Variants in POFUT3 observed in about 807,000 individuals in gnomAD.
The protein encoded by POFUT3 is GDP-fucose protein O-fucosyltransferase 3.
At chr8:33,349,622 T>C in the POFUT3 span, among the ~76,000 whole-genome samples, 132 of 152,332 alleles carry the variant, frequency 8.7e-4, no homozygotes, top group Admixed American at 2.6e-3. Context: ...TTGGTTCCTT[T>C]TTATGGCTGA....
the POFUT3 span, among the ~76,000 whole-genome samples, chr8:33,444,663 C>A: frequency 2.6e-5 from 4 of 151,952 alleles, no homozygotes; most frequent in Non-Finnish European, 5.9e-5. Flanking sequence ...ACTAAAAATA[C>A]AAAAATTAGC....
the POFUT3 span, among the ~76,000 whole-genome samples, chr8:33,421,794 T>C: frequency 1.5e-4 from 23 of 152,312 alleles, no homozygotes; most frequent in South Asian, 3.3e-3. Flanking sequence ...AGAGTGATCA[T>C]TGTCATCATT....
chr8:33,339,050 T>G, the POFUT3 span: 8 of 151,744 alleles, frequency 5.3e-5, no homozygotes, highest in Non-Finnish European at 7.4e-5. Flanking sequence ...TATCTCAAAC[T>G]AAATGAAAAA....
At chr8:33,343,557 T>C in the POFUT3 span, among the ~76,000 whole-genome samples, 17 of 152,218 alleles carry the variant, frequency 1.1e-4, no homozygotes, top group Non-Finnish European at 1.9e-4. Flanking sequence ...CCCTTTATTA[T>C]ACTGATGAGG....
the POFUT3 span, among the ~76,000 whole-genome samples, chr8:33,312,429 G>A: frequency 6.6e-6 from 1 of 152,044 alleles, no homozygotes; most frequent in Non-Finnish European, 1.5e-5. Flanking sequence ...AGCAAGAAAG[G>A]ATTCTTCCCT....
At chr8:33,429,979 G>C in the POFUT3 span, among the ~76,000 whole-genome samples, 8 of 138,028 alleles carry the variant, frequency 5.8e-5, no homozygotes, top group Middle Eastern at 3.4e-3. Context: ...CTGGATGACA[G>C]AGTGAGACTC....
chr8:33,317,189 G>T, the POFUT3 span, among the ~76,000 whole-genome samples: 4 of 152,090 alleles, frequency 2.6e-5, no homozygotes, highest in Non-Finnish European at 5.9e-5. Context: ...CAAAATACTT[G>T]GTTCCCCATA....
chr8:33,443,447 A>T, the POFUT3 span, among the ~76,000 whole-genome samples: 1 of 152,150 alleles, frequency 6.6e-6, no homozygotes, highest in Non-Finnish European at 1.5e-5. Context: ...TACTTCAAAA[A>T]TATCTAAATA....
chr8:33,420,953 A>C, the POFUT3 span, among the ~76,000 whole-genome samples: 3 of 151,974 alleles, frequency 2.0e-5, no homozygotes, highest in South Asian at 2.1e-4. Flanking sequence ...AATTTAAAAA[A>C]AGAAAAAATA....
chr8:33,389,327 G>A, the POFUT3 span: 1 of 1,614,110 alleles, frequency 6.2e-7, no homozygotes, highest in Non-Finnish European at 8.5e-7. Flanking sequence ...ATCACAAACT[G>A]CATTCTCAAA....
the POFUT3 span, among the ~76,000 whole-genome samples, chr8:33,406,551 C>T: frequency 2.0e-5 from 3 of 152,054 alleles, no homozygotes; most frequent in Non-Finnish European, 2.9e-5. Flanking sequence ...ATCCTCCTGC[C>T]TCAGCCTCCA....
At chr8:33,349,861 T>G in the POFUT3 span, among the ~76,000 whole-genome samples, 1 of 152,222 alleles carries the variant, frequency 6.6e-6, no homozygotes, top group Non-Finnish European at 1.5e-5. Context: ...ATCTCCGTGC[T>G]GTTTTCCATA....
At chr8:33,317,204 C>T in the POFUT3 span, among the ~76,000 whole-genome samples, 1 of 152,116 alleles carries the variant, frequency 6.6e-6, no homozygotes, top group South Asian at 2.1e-4. Context: ...CCCATAAAAA[C>T]TAAAGATAAC....
chr8:33,387,850 C>T, the POFUT3 span, among the ~76,000 whole-genome samples: 1 of 152,110 alleles, frequency 6.6e-6, no homozygotes, highest in Non-Finnish European at 1.5e-5. Flanking sequence ...CCTTACACAT[C>T]TATGAGAGTC....
At chr8:33,402,518 GT>G in the POFUT3 span, among the ~76,000 whole-genome samples, 1 of 152,168 alleles carries the variant, frequency 6.6e-6, no homozygotes, top group Non-Finnish European at 1.5e-5. Flanking sequence ...AGTTAACCAT[GT>G]CTAGGATACC....
chr8:33,345,036 G>A, the POFUT3 span, among the ~76,000 whole-genome samples: 2 of 152,178 alleles, frequency 1.3e-5, no homozygotes, highest in African/African-American at 2.4e-5. Context: ...CAACTGAGAC[G>A]GTGATATAGC....
the POFUT3 span, among the ~76,000 whole-genome samples, chr8:33,352,894 T>C: frequency 3.9e-5 from 6 of 152,210 alleles, no homozygotes; most frequent in Admixed American, 6.5e-5. Context: ...AAACAATTAA[T>C]GACCACCTCA....
chr8:33,412,692 A>G, the POFUT3 span, among the ~76,000 whole-genome samples: 1 of 152,202 alleles, frequency 6.6e-6, no homozygotes, highest in Non-Finnish European at 1.5e-5. Context: ...CAGTGGCACA[A>G]TCTTGGCTCA....
At chr8:33,320,755 G>A in the POFUT3 span, among the ~76,000 whole-genome samples, 1 of 152,086 alleles carries the variant, frequency 6.6e-6, no homozygotes, top group Non-Finnish European at 1.5e-5. Context: ...TGAGGCTTGG[G>A]CTTCTCATAG....
Sources: allele counts gnomAD v4.1 joint callset (sites outside exome capture counted in the v4.1 genomes callset), GRCh38; gene constraint gnomAD v4.1.1; transcripts MANE v1.5; gene names NCBI Gene and HGNC (gene_info 2026-07-23, HGNC 2026-07-21).